The following DACH1 variants were observed in gnomAD, a reference collection of about 807,000 sequenced individuals.
The protein encoded by DACH1 is dachshund homolog 1.
Under a neutral mutation model 54.2 loss-of-function variants are expected in DACH1, and 12 were observed. The ratio of observed to expected loss-of-function variants is 0.22; its 90% CI spans 0.14 to 0.36. The LOEUF is 0.36. DACH1 is among the 10% of genes least tolerant of loss of function. The pLI is 1.00. For missense variants in DACH1, 805 were observed against 929.8 expected (o/e 0.87, Z 1.75); for synonymous variants, 386 against 366.2 (o/e 1.05, Z -0.62).
intron 6 of DACH1, among the ~76,000 whole-genome samples, chr13:71,494,077 G>A (rs764948447): frequency 3.9e-5 from 6 of 151,984 alleles, no homozygotes; most frequent in Admixed American, 1.3e-4. Flanking sequence ...CATCTTCCTA[G>A]GAAAAAAATT....
At chr13:71,627,607 C>T (rs145794667) in intron 3 of DACH1, among the ~76,000 whole-genome samples, 133 of 152,126 alleles carry the variant, frequency 8.7e-4, no homozygotes, top group African/African-American at 3.0e-3. Flanking sequence ...GCTTCAGCAC[C>T]GCTTCCTAAC....
intron 2 of DACH1, among the ~76,000 whole-genome samples, chr13:71,654,834 TA>T (rs1488693408): frequency 9.9e-5 from 15 of 152,020 alleles, no homozygotes; most frequent in South Asian, 2.1e-4. Context: ...ATTCTAACAA[TA>T]AAAAAATGAT....
chr13:71,499,627 G>A (rs1481816910), intron 6 of DACH1, among the ~76,000 whole-genome samples: 2 of 152,156 alleles, frequency 1.3e-5, no homozygotes, highest in South Asian at 2.1e-4. Flanking sequence ...TGCCTGCTAT[G>A]AGGCTTTTTT....
intron 10 of DACH1, among the ~76,000 whole-genome samples, chr13:71,470,396 C>T (rs1156923411): frequency 6.6e-6 from 1 of 151,688 alleles, no homozygotes; most frequent in Non-Finnish European, 1.5e-5. Flanking sequence ...GCAACCTCTG[C>T]CTCAAAGGTT....
intron 2 of DACH1, among the ~76,000 whole-genome samples, chr13:71,638,183 T>C (rs1009711917): frequency 6.6e-6 from 1 of 152,214 alleles, no homozygotes; most frequent in Non-Finnish European, 1.5e-5. Flanking sequence ...GTAGTTATTA[T>C]TTTGGAATTG....
chr13:71,561,970 A>C (rs567560584), intron 4 of DACH1, among the ~76,000 whole-genome samples: 2 of 152,224 alleles, frequency 1.3e-5, no homozygotes, highest in East Asian at 3.9e-4. Context: ...TTAAAAAAAA[A>C]AAGCGCTATA....
intron 2 of DACH1, among the ~76,000 whole-genome samples, chr13:71,633,285 TAAATA>T (rs1346005640): frequency 2.0e-5 from 3 of 152,124 alleles, no homozygotes; most frequent in East Asian, 3.9e-4. Flanking sequence ...AATATAAGGA[TAAATA>T]AAATAAACTA....
At chr13:71,838,438 A>G (rs1888881623) in intron 1 of DACH1, among the ~76,000 whole-genome samples, 1 of 152,172 alleles carries the variant, frequency 6.6e-6, no homozygotes. Flanking sequence ...GGCACATACA[A>G]ACTCACCAAT....
chr13:71,853,722 TTTTCC>T (rs1209696433), intron 1 of DACH1, among the ~76,000 whole-genome samples: 1 of 152,204 alleles, frequency 6.6e-6, no homozygotes, highest in Non-Finnish European at 1.5e-5. Flanking sequence ...TGCACTATTC[TTTTCC>T]TTTCAATCAA....
At chr13:71,634,059 G>A (rs914277686) in intron 2 of DACH1, among the ~76,000 whole-genome samples, 3 of 149,596 alleles carry the variant, frequency 2.0e-5, no homozygotes, top group Admixed American at 6.7e-5. Flanking sequence ...TCCAACCTCC[G>A]CCTCCAGGGT....
At chr13:71,445,711 T>TG (rs1208690441) in intron 10 of DACH1, among the ~76,000 whole-genome samples, 1 of 152,180 alleles carries the variant, frequency 6.6e-6, no homozygotes, top group African/African-American at 2.4e-5. Flanking sequence ...AAAACATACT[T>TG]GCAGATCAAT....
intron 2 of DACH1, among the ~76,000 whole-genome samples, chr13:71,640,533 C>G (rs947276498): frequency 2.0e-5 from 3 of 151,898 alleles, no homozygotes; most frequent in African/African-American, 7.2e-5. Context: ...AAATTCCAAC[C>G]AGAAACAAAT....
chr13:71,508,753 C>A (rs994620098), intron 6 of DACH1, among the ~76,000 whole-genome samples: 1 of 152,118 alleles, frequency 6.6e-6, no homozygotes, highest in African/African-American at 2.4e-5. Flanking sequence ...CAGGCAGGAG[C>A]CACTGCACCT....
intron 2 of DACH1, among the ~76,000 whole-genome samples, chr13:71,646,769 T>A (rs1229159628): frequency 3.9e-5 from 6 of 152,238 alleles, no homozygotes; most frequent in African/African-American, 1.4e-4. Context: ...AAGAATGCCA[T>A]ATTTGAGCAT....
chr13:71,771,316 G>GATAA (rs35368673), intron 1 of DACH1, among the ~76,000 whole-genome samples: 16,618 of 78,386 alleles, frequency 0.21, 1,137 homozygotes, highest in East Asian at 0.38. Context: ...GAAGCAAAAG[G>GATAA]ATAAATAAAT....
chr13:71,578,034 T>C (rs184337800), intron 3 of DACH1, among the ~76,000 whole-genome samples: 82 of 152,274 alleles, frequency 5.4e-4, no homozygotes, highest in African/African-American at 1.9e-3. Context: ...AAAACTAAAG[T>C]GATCTGTAAA....
At chr13:71,621,860 T>C (rs558129566) in intron 3 of DACH1, among the ~76,000 whole-genome samples, 14 of 152,070 alleles carry the variant, frequency 9.2e-5, no homozygotes, top group Non-Finnish European at 2.1e-4. Context: ...GAACTGCACA[T>C]ACTGTTTTAA....
intron 1 of DACH1, among the ~76,000 whole-genome samples, chr13:71,735,159 G>T (rs139099064): frequency 7.5e-6 from 1 of 133,436 alleles, no homozygotes; most frequent in Non-Finnish European, 1.5e-5. Flanking sequence ...GTTTATACAT[G>T]TATATGGGAT....
chr13:71,488,380 T>C (rs1448722890), intron 7 of DACH1, among the ~76,000 whole-genome samples: 1 of 152,170 alleles, frequency 6.6e-6, no homozygotes, highest in Non-Finnish European at 1.5e-5. Context: ...ACACTCTATG[T>C]TATTGTTAAC....
Sources: gnomAD v4.1 joint callset for allele counts (sites outside exome capture counted in the v4.1 genomes callset) on GRCh38, gnomAD v4.1.1 for gene constraint, MANE v1.5 for transcripts, NCBI Gene and HGNC (gene_info 2026-07-23, HGNC 2026-07-21) for gene names.